Variants in BCAS3 observed in about 807,000 individuals in gnomAD.
BCAS3 encodes the protein BCAS3 microtubule associated cell migration factor.
BCAS3 carries 53 observed loss-of-function variants against 116.1 expected under a neutral mutation model. The observed-to-expected ratio is 0.46, with a 90% CI of 0.37 to 0.57. BCAS3 has a LOEUF of 0.57. BCAS3 is among the 20% of genes least tolerant of loss of function. The probability of loss-of-function intolerance (pLI) is 0.00; values close to 1 mark genes in which losing one functional copy is unlikely to be tolerated. For synonymous variants in BCAS3, 391 were observed against 408.2 expected (o/e 0.96, Z 0.51); for missense variants, 917 against 1,165.4 (o/e 0.79, Z 3.10).
rs2058809714 is a variant in BCAS3 at position 61,367,580 on chromosome 17, A to T, written c.2426-747A>T. 2 of 152,158 alleles carry T rather than the reference A, an allele frequency of 1.3e-5. No homozygotes were observed. Among genetic ancestry groups the T allele is most frequent in the South Asian group, 4.1e-4 (2 of 4,830 alleles). 9.4% of individuals were successfully genotyped at this position (152,158 alleles called of 1,614,324 possible). ...CCTGGTTGTTCATATGCCCTTGGGTAGCTGGGAGACCAGGTAGTGAAGTAG... is the reference window on the plus strand; with the variant it reads ...CCTGGTTGTTCATATGCCCTTGGGTTGCTGGGAGACCAGGTAGTGAAGTAG... On this transcript the variant is annotated intron_variant, in intron 22 of 23. Coordinates refer to ENST00000407086, the MANE Select transcript of BCAS3 (RefSeq NM_017679.5). This position sits in a 1 kb window ranked among gnomAD's most constrained non-coding sequence, Gnocchi z 6.2.
chr17:61,238,276 G>T (rs1170274222), intron 22 of BCAS3, among the ~76,000 whole-genome samples: 1 of 145,432 alleles, frequency 6.9e-6, no homozygotes, highest in Non-Finnish European at 1.5e-5. Flanking sequence ...AGGCTGGAGC[G>T]CAGTGGCATG....
At chr17:60,862,650 T>C (rs561454348) in intron 7 of BCAS3, among the ~76,000 whole-genome samples, 5 of 152,144 alleles carry the variant, frequency 3.3e-5, no homozygotes, top group African/African-American at 1.2e-4. Flanking sequence ...AGTCATAAGA[T>C]TTTCTTTTCT....
intron 6 of BCAS3, among the ~76,000 whole-genome samples, chr17:60,774,744 C>T (rs2045103246): frequency 6.6e-6 from 1 of 152,152 alleles, no homozygotes. Context: ...CTGACTATTC[C>T]ACTATTCATC....
rs536336625 is a variant in BCAS3 at position 60,861,255 on chromosome 17, TG to T, written c.477-7320del. 4.7e-4 allele frequency among the ~76,000 whole-genome samples: 72 copies of T among 152,340 alleles called. 1 individual carries two copies. The South Asian group carries it at 0.013, about 28-fold the overall frequency. The stretch of plus-strand genomic sequence containing the variant: ...GGGATTGTATTCCTTTTACGGCTAT[TG>T]TGAATGAGATTACTTTCTTGATTTG... On this transcript the variant is annotated intron_variant, in intron 7 of 23. Coordinates refer to ENST00000407086, the MANE Select transcript of BCAS3 (RefSeq NM_017679.5).
chr17:60,740,697 G>A (rs968138837), intron 5 of BCAS3, among the ~76,000 whole-genome samples: 5 of 151,904 alleles, frequency 3.3e-5, no homozygotes, highest in African/African-American at 9.7e-5. Context: ...TAACATCCTC[G>A]AGTGAGACAG....
intron 7 of BCAS3, among the ~76,000 whole-genome samples, chr17:60,859,698 A>C (rs2053996127): frequency 6.6e-6 from 1 of 151,718 alleles, no homozygotes; most frequent in African/African-American, 2.4e-5. Flanking sequence ...CCTCCTAAGT[A>C]GCTGGGATTA....
At chr17:61,294,439 A>G (rs1262003720) in intron 22 of BCAS3, among the ~76,000 whole-genome samples, 1 of 152,188 alleles carries the variant, frequency 6.6e-6, no homozygotes, top group Non-Finnish European at 1.5e-5. Context: ...TATGCTAGCC[A>G]CAGCGTGGTA....
intron 22 of BCAS3, among the ~76,000 whole-genome samples, chr17:61,269,456 A>T (rs1210223837): frequency 2.0e-5 from 3 of 152,004 alleles, no homozygotes; most frequent in Admixed American, 2.0e-4. Flanking sequence ...AAGAAGTGGG[A>T]TTGCTGGATT....
chr17:60,914,883 C>G (rs539643612), intron 12 of BCAS3, among the ~76,000 whole-genome samples: 6 of 152,212 alleles, frequency 3.9e-5, no homozygotes, highest in Admixed American at 2.6e-4. Context: ...CAATAGTAGG[C>G]TATTAGTAGT....
rs1331743647 is a variant in BCAS3, at chr17:60,990,001, C to T, written c.1252C>T (p.Arg418Cys). 6.2e-6 allele frequency: 10 copies of T among 1,614,018 alleles called. No individual in the cohort carries two copies. The highest frequency in any genetic ancestry group is 1.3e-5 in the African/African-American group (1 of 74,914). The part of the protein sequence containing the change: ...VQDICFSHDC[R>C]WVVVSTLRGT... ...GGACATCTGCTTCAGCCATGACTGT[C>T]GCTGGGTTGTGGTCAGTACTCTCCG... The change falls in exon 15 of 24, where the codon CGC becomes TGC. Residue 418 changes from arginine (R) to cysteine (C), a missense_variant. Around this residue, in one of 3 missense-constraint regions of BCAS3, gnomAD observed 807 missense variants for 1,026.0 expected, o/e 0.79. Transcript: ENST00000407086. The surrounding 1 kb of genome is among the most constrained non-coding windows in gnomAD (Gnocchi z 5.1).
chr17:60,782,577 T>TTAC (rs1287596043), intron 6 of BCAS3, among the ~76,000 whole-genome samples: 1 of 147,832 alleles, frequency 6.8e-6, no homozygotes, highest in East Asian at 1.9e-4. Context: ...ATTATTATTA[T>TTAC]TATTATTATT....
intron 7 of BCAS3, among the ~76,000 whole-genome samples, chr17:60,820,212 C>A (rs1461221730): frequency 6.6e-6 from 1 of 152,040 alleles, no homozygotes; most frequent in Non-Finnish European, 1.5e-5. Context: ...GGACTACAGG[C>A]ACCCGCCACC....
intron 22 of BCAS3, among the ~76,000 whole-genome samples, chr17:61,253,400 G>T (rs2048521363): frequency 6.6e-6 from 1 of 151,698 alleles, no homozygotes; most frequent in South Asian, 2.1e-4. Flanking sequence ...GAGTTACAAG[G>T]ATTGATAGAA....
intron 21 of BCAS3, among the ~76,000 whole-genome samples, chr17:61,080,590 A>C (rs1232091345): frequency 1.3e-5 from 2 of 151,916 alleles, no homozygotes; most frequent in Non-Finnish European, 2.9e-5. Context: ...CCTACCAAAA[A>C]AATACAAAAA....
At chr17:60,833,407 A>G (rs1297048122) in intron 7 of BCAS3, among the ~76,000 whole-genome samples, 1 of 152,206 alleles carries the variant, frequency 6.6e-6, no homozygotes, top group Non-Finnish European at 1.5e-5. Context: ...TAATTTTTAA[A>G]AGCAGAATGC....
chr17:60,829,488 T>C (rs1383176519), intron 7 of BCAS3, among the ~76,000 whole-genome samples: 5 of 128,840 alleles, frequency 3.9e-5, no homozygotes, highest in Non-Finnish European at 6.1e-5. Context: ...AGCAAGACTG[T>C]GTCTCAAAAA....
intron 22 of BCAS3, among the ~76,000 whole-genome samples, chr17:61,107,365 G>GT (rs2074736809): frequency 6.6e-6 from 1 of 152,028 alleles, no homozygotes; most frequent in Non-Finnish European, 1.5e-5. Flanking sequence ...GATTACAGGC[G>GT]TGAGCCACTG....
At chr17:60,957,817 G>A (rs2061219252) in intron 14 of BCAS3, among the ~76,000 whole-genome samples, 1 of 152,140 alleles carries the variant, frequency 6.6e-6, no homozygotes, top group Non-Finnish European at 1.5e-5. Context: ...GTTTATTGAG[G>A]AAATAACAGA....
intron 6 of BCAS3, among the ~76,000 whole-genome samples, chr17:60,750,030 G>A (rs2042318764): frequency 6.6e-6 from 1 of 152,124 alleles, no homozygotes; most frequent in Non-Finnish European, 1.5e-5. Context: ...AGCCGAGCAT[G>A]GTGGCCAGTG....
Sources: allele counts gnomAD v4.1 joint callset (sites outside exome capture counted in the v4.1 genomes callset), GRCh38; gene constraint gnomAD v4.1.1; regional missense constraint gnomAD v4.1.1; non-coding constraint Gnocchi (gnomAD v3.1); transcripts MANE v1.5; gene names NCBI Gene and HGNC (gene_info 2026-07-23, HGNC 2026-07-21).